The following SLIT3 variants were observed in gnomAD, a reference collection of about 807,000 sequenced individuals.
SLIT3 encodes the protein slit guidance ligand 3.
In SLIT3, 68 loss-of-function variants were observed where a neutral mutation model predicts 184.0. The observed-to-expected ratio is 0.37, with a 90% CI of 0.30 to 0.45. The LOEUF is 0.45. SLIT3 is among the 20% of genes least tolerant of loss of function. The pLI is 1.00. For missense variants in SLIT3, 1,707 were observed against 2,026.0 expected (o/e 0.84, Z 3.02); for synonymous variants, 831 against 828.6 (o/e 1.00, Z -0.05).
Position 168,746,891 on chromosome 5 carries a change from G to A in SLIT3, c.2270+1411C>T, listed in dbSNP as rs550154539. Among the ~76,000 whole-genome samples, 314 of 54,154 alleles carry A rather than the reference G, an allele frequency of 5.8e-3. 20 individuals carry two copies. The highest frequency in any genetic ancestry group is 0.031 in the African/African-American group (291 of 9,538). 35.5% of individuals were successfully genotyped at this position (54,154 alleles called of 152,430 possible). On this transcript the variant is annotated intron_variant, in intron 20 of 35. Coordinates refer to ENST00000519560, the MANE Select transcript of SLIT3 (RefSeq NM_003062.4). ...GGTGTGGGTGTGGCGGTGTGTGGTGGTGTGTGGTGTGTGAGTGTGGTGGTG... is the reference window on the plus strand; with the variant it reads ...GGTGTGGGTGTGGCGGTGTGTGGTGATGTGTGGTGTGTGAGTGTGGTGGTG...
rs1421951059 is a variant in SLIT3 at position 168,907,975 on chromosome 5, T to TAGAGAGAG, written c.414-24640_414-24639insCTCTCTCT. ...ATATATATATATATATATATATATA[T>TAGAGAGAG]ATATAGAGAGAGAGAGAGAGAGAGA... On this transcript the variant is annotated intron_variant, in intron 4 of 35. Transcript: ENST00000519560. Among the ~76,000 whole-genome samples, 59 of 64,622 alleles carry TAGAGAGAG rather than the reference T, an allele frequency of 9.1e-4. 1 individual carries two copies. The highest frequency in any genetic ancestry group is 2.2e-3 in the East Asian group (6 of 2,722). The allele number at this position is 64,622 out of a possible 152,430, so 42.4% of individuals were successfully genotyped here.
intron 4 of SLIT3, among the ~76,000 whole-genome samples, chr5:169,170,367 C>T (rs750529761): frequency 1.2e-4 from 18 of 152,310 alleles, no homozygotes; most frequent in Admixed American, 3.9e-4. Flanking sequence ...GAAGAGAGAG[C>T]CCTGCTAGGG....
chr5:169,239,193 A>T (rs1765306986), intron 3 of SLIT3, among the ~76,000 whole-genome samples: 1 of 152,172 alleles, frequency 6.6e-6, no homozygotes, highest in Non-Finnish European at 1.5e-5. Flanking sequence ...AATAAGCTAA[A>T]TTTGGTTGGA....
chr5:168,795,649 G>C, intron 9 of SLIT3, 71 bp from the exon 10 acceptor site: 1 of 1,238,576 alleles, frequency 8.1e-7, no homozygotes. Context: ...GGGCTACTGT[G>C]TTCTCTGGCC....
At chr5:168,710,608 G>GAAA (rs112134323) in intron 25 of SLIT3, among the ~76,000 whole-genome samples, 2 of 138,878 alleles carry the variant, frequency 1.4e-5, no homozygotes, top group Non-Finnish European at 3.1e-5. Context: ...TACAAAAGAT[G>GAAA]AAAAAAAAAA....
At chr5:169,091,618 C>T (rs1036253998) in intron 4 of SLIT3, among the ~76,000 whole-genome samples, 8 of 152,134 alleles carry the variant, frequency 5.3e-5, no homozygotes, top group Non-Finnish European at 7.3e-5. Context: ...ACTGTGCAGT[C>T]GTCAAGAGGA....
Position 168,663,866 on chromosome 5 carries a change from CT to C in SLIT3, c.*2587del, listed in dbSNP as rs991834221. On this transcript the variant is annotated 3_prime_UTR_variant, in exon 36 of 36. Coordinates refer to ENST00000519560, the MANE Select transcript of SLIT3 (RefSeq NM_003062.4). ...TGCTTGTATTGCCACTTAAGAGCTC[CT>C]TGTGTAATAAGGCAATTGTCCATTT... The C allele has an allele frequency of 6.6e-6, 1 of 152,188 alleles. No individual in the cohort carries two copies. Among genetic ancestry groups the C allele is most frequent in the African/African-American group, 2.4e-5 (1 of 41,426 alleles). The allele number at this position is 152,188 out of a possible 1,614,324, so 9.4% of individuals were successfully genotyped here.
chr5:168,732,591 CA>C (rs1473038206), intron 20 of SLIT3, among the ~76,000 whole-genome samples: 5 of 152,098 alleles, frequency 3.3e-5, no homozygotes, highest in Admixed American at 2.0e-4. Context: ...CCATAGTAAC[CA>C]AAACAGCACA....
intron 5 of SLIT3, among the ~76,000 whole-genome samples, chr5:168,852,169 A>T (rs971415959): frequency 6.6e-6 from 1 of 152,208 alleles, no homozygotes; most frequent in East Asian, 1.9e-4. Flanking sequence ...AGCGATAACC[A>T]TCTGTGGTTC....
chr5:168,779,462 T>C (rs1755891121), intron 12 of SLIT3, among the ~76,000 whole-genome samples: 1 of 152,156 alleles, frequency 6.6e-6, no homozygotes, highest in Non-Finnish European at 1.5e-5. Context: ...TACAGCACCT[T>C]CTAAATTTAT....
intron 4 of SLIT3, among the ~76,000 whole-genome samples, chr5:168,924,471 G>A (rs1761742989): frequency 6.6e-6 from 1 of 151,608 alleles, no homozygotes; most frequent in South Asian, 2.1e-4. Context: ...TAATTAATAA[G>A]GAACATTTAA....
chr5:168,766,320 G>A (rs1425919797), intron 14 of SLIT3, among the ~76,000 whole-genome samples: 1 of 152,248 alleles, frequency 6.6e-6, no homozygotes, highest in African/African-American at 2.4e-5. Context: ...ATTGGGGGGA[G>A]CGTAAGTCCT....
At chr5:168,791,719 T>C (rs1404367632) in intron 10 of SLIT3, 3 of 152,244 alleles carry the variant, frequency 2.0e-5, no homozygotes, top group Non-Finnish European at 2.9e-5. Context: ...ATGCTTATCA[T>C]TTATTTGTGG....
chr5:168,727,694 G>A (rs1763173038), intron 20 of SLIT3, among the ~76,000 whole-genome samples: 1 of 152,214 alleles, frequency 6.6e-6, no homozygotes, highest in Non-Finnish European at 1.5e-5. Context: ...AAGGCTGTGG[G>A]GTATTTGCAT....
intron 20 of SLIT3, among the ~76,000 whole-genome samples, chr5:168,737,295 A>T (rs954096464): frequency 6.6e-6 from 1 of 152,112 alleles, no homozygotes; most frequent in Admixed American, 6.5e-5. Context: ...AACTCCTTGG[A>T]ACCCACACAG....
chr5:168,761,364 C>T (rs75412093), intron 15 of SLIT3, among the ~76,000 whole-genome samples: 48,902 of 151,854 alleles, frequency 0.32, 8,496 homozygotes, highest in East Asian at 0.56. Context: ...GGGAACTTCA[C>T]AGGTATTCAG....
At chr5:168,896,315 G>A (rs187916876) in intron 4 of SLIT3, among the ~76,000 whole-genome samples, 19 of 152,190 alleles carry the variant, frequency 1.2e-4, no homozygotes, top group African/African-American at 3.6e-4. Flanking sequence ...ACCTACGTGC[G>A]GGAATTATTA....
intron 4 of SLIT3, among the ~76,000 whole-genome samples, chr5:169,167,208 C>T (rs531616718): frequency 6.7e-6 from 1 of 149,462 alleles, no homozygotes. Context: ...ACAAAAAAAA[C>T]CGATGATATT....
intron 33 of SLIT3, 118 bp downstream of exon 33, chr5:168,673,059 T>C (rs1561867356): frequency 4.3e-6 from 4 of 921,726 alleles, no homozygotes; most frequent in Non-Finnish European, 6.8e-6. Flanking sequence ...AGAGATCAGC[T>C]TCGTTGTCCC....
Sources: gnomAD v4.1 joint callset for allele counts (sites outside exome capture counted in the v4.1 genomes callset) on GRCh38, gnomAD v4.1.1 for gene constraint, MANE v1.5 for transcripts, NCBI Gene and HGNC (gene_info 2026-07-23, HGNC 2026-07-21) for gene names.